The following E2F2 variants were observed in gnomAD, a reference collection of about 807,000 sequenced individuals.
E2F2 encodes the protein E2F transcription factor 2, also known as transcription factor E2F2.
A neutral mutation model predicts 42.2 loss-of-function variants in E2F2; 22 were observed. The ratio of observed to expected loss-of-function variants is 0.52; its 90% confidence interval spans 0.37 to 0.74. The LOEUF (loss-of-function observed/expected upper bound fraction) is 0.74. E2F2 is among the 30% of genes least tolerant of loss of function. E2F2 has a pLI of 0.00. For missense variants in E2F2, 481 were observed against 557.8 expected (o/e 0.86, Z 1.39); for synonymous variants, 248 against 251.6 (o/e 0.99, Z 0.13).
Position 23,520,997 on chromosome 1 carries a change from A to C in E2F2, c.653T>G (p.Met218Arg). Residue 218 changes from methionine to arginine, a missense_variant, in exon 4 of 7, where the codon ATG becomes AGG. By Grantham distance (91) the Met-to-Arg change is moderately conservative. Coordinates refer to ENST00000361729, the MANE Select transcript of E2F2 (RefSeq NM_004091.4). ...QQLGQELKEL[M>R]NTEQALDQLI... ...CTGGTCCAAGGCCTGCTCCGTGTTC[A>C]TCAGCTCCTTCAGCTCCTGCCCCAG... 3 of 1,613,768 alleles carry C rather than the reference A, an allele frequency of 1.9e-6. No individual in the cohort carries two copies. Among genetic ancestry groups the C allele is most frequent in the Non-Finnish European group, 2.5e-6 (3 of 1,179,798 alleles).
chr1:23,516,772 C>CA (rs1186151684), intron 5 of E2F2, among the ~76,000 whole-genome samples: 1 of 142,396 alleles, frequency 7.0e-6, no homozygotes, highest in African/African-American at 2.7e-5. Flanking sequence ...CTCTTCCCCC[C>CA]ACTCTCAGGT....
intron 5 of E2F2, among the ~76,000 whole-genome samples, chr1:23,516,948 G>A (rs1307690205): frequency 1.3e-5 from 2 of 152,130 alleles, no homozygotes; most frequent in African/African-American, 4.8e-5. Flanking sequence ...TGGACTTGTG[G>A]GAAATGGAAG....
rs1391909985 is a variant in E2F2 at position 23,530,764 on chromosome 1, C to G, written c.30G>C (p.Ser10=). Reference sequence around the variant, plus strand: ...CCACCTTCGGGGTCTGCCCAGCGGCCGAAGCCAAGGCCCGGGGCCCTTGCA... The same window carrying G: ...CCACCTTCGGGGTCTGCCCAGCGGCGGAAGCCAAGGCCCGGGGCCCTTGCA... MLQGPRALA[S]AAGQTPKVVP... is the part of the protein sequence containing the mutation. The change falls in exon 1 of 7, where the codon TCG becomes TCC. Residue 10 remains serine (S), a synonymous_variant. Coordinates refer to ENST00000361729, the MANE Select transcript of E2F2 (RefSeq NM_004091.4). The surrounding 1 kb of genome is among the most constrained non-coding windows in gnomAD (Gnocchi z 4.4). The G allele has an allele frequency of 3.8e-6, 6 of 1,569,790 alleles. No individual in the cohort carries two copies. The highest frequency in any genetic ancestry group is 3.8e-5 in the Admixed American group (2 of 53,302).
chr1:23,518,501 C>A (rs969158285), intron 5 of E2F2, among the ~76,000 whole-genome samples: 12 of 150,980 alleles, frequency 7.9e-5, no homozygotes, highest in African/African-American at 2.0e-4. Flanking sequence ...ATAAATAAAT[C>A]AAACAAAACA....
chr1:23,530,575 T>C lies in E2F2; in HGVS notation c.219A>G (p.Gln73=). The C allele has an allele frequency of 6.2e-7, 1 of 1,612,280 alleles. No homozygotes were observed. The highest frequency in any genetic ancestry group is 8.5e-7 in the Non-Finnish European group (1 of 1,179,530). ...GGCCTGCCGGCAGGCATCGCACAACTTGGCCCTCGGGTCCGTGGGGAGTGG... is the reference window on the plus strand; with the variant it reads ...GGCCTGCCGGCAGGCATCGCACAACCTGGCCCTCGGGTCCGTGGGGAGTGG... The part of the protein sequence containing the change: ...LDATPHGPEG[Q]VVRCLPAGRL... Residue 73 remains glutamine (Q), a synonymous_variant, in exon 1 of 7, where the codon CAA becomes CAG. Coordinates refer to ENST00000361729, the MANE Select transcript of E2F2 (RefSeq NM_004091.4). The surrounding 1 kb of genome is among the most constrained non-coding windows in gnomAD (Gnocchi z 4.4).
rs748673094 is a variant in E2F2 at position 23,524,371 on chromosome 1, A to G, written c.358+12T>C. 2 of 1,597,340 alleles carry G rather than the reference A, an allele frequency of 1.3e-6. No individual in the cohort carries two copies. Among genetic ancestry groups the G allele is most frequent in the East Asian group, 2.3e-5 (1 of 43,762 alleles). ...CCCACCCCACCCCAGAGGCCCCATC[A>G]GCACTGCTTACTTTTGGGGCTGGGG... On this transcript the variant is annotated intron_variant, in intron 2 of 6. Coordinates refer to ENST00000361729, the MANE Select transcript of E2F2 (RefSeq NM_004091.4).
At chr1:23,524,570 G>T in intron 1 of E2F2, 82 bp from the exon 2 acceptor site, 1 of 1,298,346 alleles carries the variant, frequency 7.7e-7, no homozygotes, top group Non-Finnish European at 1.1e-6. Flanking sequence ...CCAAAGCAAT[G>T]AAGCCACTTA....
At position 23,530,531 on chromosome 1, in the gene E2F2, C is replaced by T. The variant is rs996844069; in HGVS notation, c.252+11G>A. The T allele has an allele frequency of 1.2e-5, 20 of 1,610,656 alleles. No individual in the cohort carries two copies. In the African/African-American group the frequency reaches 2.4e-4, roughly 19 times the overall value. On this transcript the variant is annotated intron_variant, in intron 1 of 6. Transcript: ENST00000361729. The surrounding 1 kb of genome is among the most constrained non-coding windows in gnomAD (Gnocchi z 4.4). The stretch of plus-strand genomic sequence containing the variant: ...AGCATAGGGGGAAGCGGTGGGGGCC[C>T]CCAGCATTACCGGCAGCCGGCCTGC...
rs998861898 is a variant in E2F2 at position 23,507,895 on chromosome 1, A to G, written c.*1985T>C. On this transcript the variant is annotated 3_prime_UTR_variant, in exon 7 of 7. Coordinates refer to ENST00000361729, the MANE Select transcript of E2F2 (RefSeq NM_004091.4). ...ATGTAATTCTTGGGGAAAGCTCCAG[A>G]GCCCAAGGAATGGGAGTCAAACACC... The G allele has an allele frequency of 6.6e-6, 1 of 152,312 alleles. No individual in the cohort carries two copies. The highest frequency in any genetic ancestry group is 1.5e-5 in the Non-Finnish European group (1 of 68,114). The allele number at this position is 152,312 out of a possible 1,614,324, so 9.4% of individuals were successfully genotyped here.
At chr1:23,529,792 C>A (rs904646862) in intron 1 of E2F2, among the ~76,000 whole-genome samples, 3 of 152,208 alleles carry the variant, frequency 2.0e-5, no homozygotes, top group Admixed American at 1.3e-4. Flanking sequence ...CTCCACCCCC[C>A]ACCCTAAAGT....
chr1:23,527,130 C>T (rs541015713), intron 1 of E2F2, among the ~76,000 whole-genome samples: 1 of 152,340 alleles, frequency 6.6e-6, no homozygotes, highest in East Asian at 1.9e-4. Flanking sequence ...AGGCCTTCCC[C>T]TTCTTAGCTG....
At chr1:23,524,305 G>A in intron 2 of E2F2, 78 bp downstream of exon 2, 1 of 1,094,476 alleles carries the variant, frequency 9.1e-7, no homozygotes, top group Non-Finnish European at 1.3e-6. Context: ...ATCCAAATAT[G>A]ACTACCAGTG....
intron 2 of E2F2, among the ~76,000 whole-genome samples, chr1:23,524,089 C>CAAAAAAAAAA (rs1320072066): frequency 1.7e-5 from 1 of 58,570 alleles, no homozygotes. Flanking sequence ...ACAACAACAA[C>CAAAAAAAAAA]AACAACAACA....
At chr1:23,505,417 C>G (rs1243455220), downstream of E2F2, among the ~76,000 whole-genome samples, 3 of 152,204 alleles carry the variant, frequency 2.0e-5, no homozygotes, top group Non-Finnish European at 4.4e-5. Context: ...CATGCATTCT[C>G]AAACTTCAGC....
At position 23,530,574 on chromosome 1, in the gene E2F2, C is replaced by T; in HGVS notation, c.220G>A (p.Val74Ile). Residue 74 changes from valine (V) to isoleucine (I), a missense_variant, in exon 1 of 7, where the codon GTT becomes ATT. Val to Ile is a conservative substitution (Grantham distance 29). Coordinates refer to ENST00000361729, the MANE Select transcript of E2F2 (RefSeq NM_004091.4). The surrounding 1 kb of genome is among the most constrained non-coding windows in gnomAD (Gnocchi z 4.4). The stretch of plus-strand genomic sequence containing the variant: ...CGGCCTGCCGGCAGGCATCGCACAA[C>T]TTGGCCCTCGGGTCCGTGGGGAGTG... ...DATPHGPEGQVVRCLPAGRLP... is the reference protein window; with the variant it reads ...DATPHGPEGQIVRCLPAGRLP... 1 of 1,612,380 alleles carries T rather than the reference C, an allele frequency of 6.2e-7. No individual in the cohort carries two copies. The highest frequency in any genetic ancestry group is 8.5e-7 in the Non-Finnish European group (1 of 1,179,592).
chr1:23,530,656 T>C lies in E2F2; in HGVS notation c.138A>G (p.Thr46=). ...QLCPATATYY[T]PLYPQTAPPA... is the part of the protein sequence containing the mutation. ...GAGGCGCCGTCTGCGGGTACAGCGG[T>C]GTGTAGTAGGTAGCAGTAGCTGGGC... is the stretch of plus-strand genomic sequence containing the variant. Residue 46 remains threonine, a synonymous_variant, in exon 1 of 7, where the codon ACA becomes ACG. Transcript: ENST00000361729. This position sits in a 1 kb window ranked among gnomAD's most constrained non-coding sequence, Gnocchi z 4.4. 6.2e-7 allele frequency: 1 copy of C among 1,613,004 alleles called. No homozygotes were observed. The highest frequency in any genetic ancestry group is 2.2e-5 in the East Asian group (1 of 44,820).
intron 3 of E2F2, chr1:23,521,453 T>C: frequency 1.4e-6 from 1 of 705,920 alleles, no homozygotes; most frequent in Middle Eastern, 7.3e-4. Context: ...ATCTCAGATC[T>C]GGAAGGAGTC....
chr1:23,530,899 G>C lies in E2F2; in HGVS notation c.-106C>G. On this transcript the variant is annotated 5_prime_UTR_variant, in exon 1 of 7. Coordinates refer to ENST00000361729, the MANE Select transcript of E2F2 (RefSeq NM_004091.4). The surrounding 1 kb of genome is among the most constrained non-coding windows in gnomAD (Gnocchi z 4.4). ...CGGCCCGCGGCATGGCGCGGAGGCC[G>C]GGGGAAGCCGCCAATGGACGCCTGC... 3.7e-6 allele frequency: 5 copies of C among 1,367,316 alleles called. No homozygotes were observed. Among genetic ancestry groups the C allele is most frequent in the East Asian group, 2.7e-5 (1 of 36,818 alleles). 84.7% of individuals were successfully genotyped at this position (1,367,316 alleles called of 1,614,324 possible).
At position 23,510,124 on chromosome 1, in the gene E2F2, T is replaced by C. The variant is rs1642881845; in HGVS notation, c.1070A>G (p.Gln357Arg). Residue 357 changes from glutamine (Q) to arginine (R), a missense_variant, in exon 7 of 7, where the codon CAG becomes CGG. Transcript: ENST00000361729. Reference protein sequence around the residue: ...SSVPAPAPTPQQAPPPPSLVP... With the variant: ...SSVPAPAPTPRQAPPPPSLVP... The stretch of plus-strand genomic sequence containing the variant: ...CAGGGATGGAGGCGGTGGGGCCTGC[T>C]GGGGGGTTGGCGCTGGTGCTGGCAC... 6.2e-7 allele frequency: 1 copy of C among 1,602,076 alleles called. No homozygotes were observed. The highest frequency in any genetic ancestry group is 1.3e-5 in the African/African-American group (1 of 74,748).
Sources: gnomAD v4.1 joint callset for allele counts (sites outside exome capture counted in the v4.1 genomes callset) on GRCh38, gnomAD v4.1.1 for gene constraint, Gnocchi (gnomAD v3.1) non-coding constraint, MANE v1.5 for transcripts, NCBI Gene and HGNC (gene_info 2026-07-23, HGNC 2026-07-21) for gene names.